The following GABRG1 variants were observed in gnomAD, a reference collection of about 807,000 sequenced individuals.
GABRG1 encodes the protein gamma-aminobutyric acid type A receptor subunit gamma1.
In GABRG1, 49 loss-of-function variants were observed where a neutral mutation model predicts 49.8. That is an observed-to-expected ratio of 0.98 (90% confidence interval 0.78 to 1.25). The LOEUF is 1.25. Among genes scored for constraint, GABRG1 ranks in the 50% most tolerant of loss-of-function variants. The pLI, the probability that GABRG1 is intolerant of heterozygous loss-of-function variation, is 0.00. For synonymous variants in GABRG1, 232 were observed against 185.1 expected (o/e 1.25, Z -2.06); for missense variants, 552 against 552.3 (o/e 1.00, Z 0.01).
intron 8 of GABRG1, among the ~76,000 whole-genome samples, chr4:46,048,988 T>C (rs1718112272): frequency 6.6e-6 from 1 of 151,934 alleles, no homozygotes; most frequent in African/African-American, 2.4e-5. Context: ...TTGTTGACCT[T>C]TCAGCAACTC....
At chr4:46,056,335 T>C (rs1342824507) in intron 7 of GABRG1, among the ~76,000 whole-genome samples, 5 of 151,962 alleles carry the variant, frequency 3.3e-5, no homozygotes, top group African/African-American at 1.2e-4. Context: ...CCCCAAAGCA[T>C]GGCATAGCAG....
At chr4:46,080,327 T>A (rs1422570976) in intron 3 of GABRG1, among the ~76,000 whole-genome samples, 1 of 151,884 alleles carries the variant, frequency 6.6e-6, no homozygotes, top group East Asian at 1.9e-4. Context: ...AAAGCAATTT[T>A]GCTCATTTTA....
intron 3 of GABRG1, among the ~76,000 whole-genome samples, chr4:46,077,375 T>C (rs1231193947): frequency 2.0e-5 from 3 of 151,598 alleles, no homozygotes; most frequent in Non-Finnish European, 4.4e-5. Context: ...TATAAAACAG[T>C]GAGGTTAATA....
chr4:46,045,698 T>C (rs1364747661), intron 8 of GABRG1, among the ~76,000 whole-genome samples: 1 of 152,060 alleles, frequency 6.6e-6, no homozygotes, highest in East Asian at 1.9e-4. Context: ...TTAAATATAT[T>C]ATTTAAAGTT....
At chr4:46,083,731 G>T (rs1469721002) in intron 3 of GABRG1, among the ~76,000 whole-genome samples, 1 of 151,006 alleles carries the variant, frequency 6.6e-6, no homozygotes, top group Non-Finnish European at 1.5e-5. Flanking sequence ...ACCTCTTCTT[G>T]GTGGATCAGA....
intron 2 of GABRG1, among the ~76,000 whole-genome samples, chr4:46,089,690 T>C (rs907342773): frequency 6.6e-6 from 1 of 152,082 alleles, no homozygotes; most frequent in African/African-American, 2.4e-5. Context: ...AGGCTAGGCA[T>C]GGTGGCTTCT....
chr4:46,061,584 T>C (rs1319511732), intron 5 of GABRG1, among the ~76,000 whole-genome samples: 1 of 151,990 alleles, frequency 6.6e-6, no homozygotes, highest in Non-Finnish European at 1.5e-5. Context: ...TAAAAATACA[T>C]GTGAGGATAT....
At chr4:46,048,658 A>G (rs1718095699) in intron 8 of GABRG1, among the ~76,000 whole-genome samples, 1 of 148,930 alleles carries the variant, frequency 6.7e-6, no homozygotes, top group Admixed American at 6.7e-5. Flanking sequence ...AAGGAAGGAA[A>G]GAAAGAAGGA....
intron 2 of GABRG1, among the ~76,000 whole-genome samples, chr4:46,084,719 AG>A (rs1412972003): frequency 6.6e-6 from 1 of 151,568 alleles, no homozygotes; most frequent in Non-Finnish European, 1.5e-5. Context: ...ATTTAATTTT[AG>A]TACACAAAAC....
At chr4:46,096,367 G>C (rs1436386146) in intron 2 of GABRG1, among the ~76,000 whole-genome samples, 1 of 151,522 alleles carries the variant, frequency 6.6e-6, no homozygotes, top group African/African-American at 2.4e-5. Flanking sequence ...TAAGATAAAA[G>C]TACGAAGGTA....
At chr4:46,075,131 C>T (rs1436000142) in intron 3 of GABRG1, among the ~76,000 whole-genome samples, 2 of 151,582 alleles carry the variant, frequency 1.3e-5, no homozygotes, top group African/African-American at 4.8e-5. Flanking sequence ...AAGATGAACA[C>T]GGTTTCTTTC....
intron 1 of GABRG1, among the ~76,000 whole-genome samples, chr4:46,112,926 TA>T (rs1426162280): frequency 6.6e-6 from 1 of 150,836 alleles, no homozygotes; most frequent in Non-Finnish European, 1.5e-5. Context: ...CCCTTGAATT[TA>T]AAATAAAAGT....
intron 2 of GABRG1, among the ~76,000 whole-genome samples, chr4:46,084,600 T>G (rs1719686658): frequency 6.6e-6 from 1 of 151,742 alleles, no homozygotes; most frequent in South Asian, 2.1e-4. Flanking sequence ...AGAACAATAT[T>G]TTACCCCTTG....
intron 7 of GABRG1, among the ~76,000 whole-genome samples, chr4:46,052,671 C>T (rs1718275244): frequency 6.6e-6 from 1 of 151,838 alleles, no homozygotes; most frequent in East Asian, 1.9e-4. Flanking sequence ...CATTCGTTTT[C>T]CCAGTAAATA....
chr4:46,049,724 A>G (rs1718140250), intron 8 of GABRG1, among the ~76,000 whole-genome samples: 1 of 151,960 alleles, frequency 6.6e-6, no homozygotes, highest in African/African-American at 2.4e-5. Flanking sequence ...ATTGAATAAC[A>G]TGATAAGTTT....
intron 2 of GABRG1, among the ~76,000 whole-genome samples, chr4:46,085,759 T>C (rs867254961): frequency 4.0e-5 from 6 of 151,614 alleles, no homozygotes; most frequent in African/African-American, 7.2e-5. Context: ...ACAATACTAA[T>C]GAGTAATATT....
intron 1 of GABRG1, among the ~76,000 whole-genome samples, chr4:46,102,862 A>G (rs543909835): frequency 6.6e-6 from 1 of 151,832 alleles, no homozygotes; most frequent in East Asian, 2.0e-4. Flanking sequence ...TTGCCATAAA[A>G]TTATGAAGAA....
chr4:46,120,423 T>C (rs546760712), intron 1 of GABRG1, among the ~76,000 whole-genome samples: 1 of 151,766 alleles, frequency 6.6e-6, no homozygotes, highest in Non-Finnish European at 1.5e-5. Context: ...TTCTTCATAG[T>C]ATAGAATGGA....
chr4:46,098,272 C>T (rs2109432076), intron 1 of GABRG1, among the ~76,000 whole-genome samples: 1 of 151,810 alleles, frequency 6.6e-6, no homozygotes, highest in East Asian at 1.9e-4. Flanking sequence ...TTACTCTTCT[C>T]TTTATTGCCC....
Sources: allele counts gnomAD v4.1 joint callset (sites outside exome capture counted in the v4.1 genomes callset), GRCh38; gene constraint gnomAD v4.1.1; transcripts MANE v1.5; gene names NCBI Gene and HGNC (gene_info 2026-07-23, HGNC 2026-07-21).